DDX60L: variants seen among roughly 807,000 people sequenced by gnomAD.
DDX60L encodes probable ATP-dependent RNA helicase DDX60-like.
DDX60L carries 191 observed loss-of-function variants against 211.6 expected under a neutral mutation model. That is an observed-to-expected ratio of 0.90 (90% CI 0.80 to 1.02). The LOEUF is 1.02. Ranked by LOEUF, DDX60L falls within the 50% of genes least tolerant of loss-of-function variation. The probability of loss-of-function intolerance (pLI) is 0.00; values close to 1 mark genes in which losing one functional copy is unlikely to be tolerated. For missense variants in DDX60L, 2,007 were observed against 1,984.1 expected (o/e 1.01, Z -0.22); for synonymous variants, 706 against 694.1 (o/e 1.02, Z -0.27).
intron 36 of DDX60L, among the ~76,000 whole-genome samples, chr4:168,367,457 A>G (rs1740189987): frequency 6.6e-6 from 1 of 152,158 alleles, no homozygotes; most frequent in African/African-American, 2.4e-5. Flanking sequence ...GCCCTATGGA[A>G]CTCTAAGTCC....
At chr4:168,467,331 C>T (rs115328343) in intron 4 of DDX60L, among the ~76,000 whole-genome samples, 4,514 of 151,862 alleles carry the variant, frequency 0.03, 210 homozygotes, top group African/African-American at 0.1. Context: ...TTCACTTGAG[C>T]CCAGGACACA....
At chr4:168,448,881 G>A in intron 8 of DDX60L, 102 bp from the exon 9 acceptor site, 1 of 1,040,674 alleles carries the variant, frequency 9.6e-7, no homozygotes. Flanking sequence ...ATTTCTGGGT[G>A]GAATGATAAA....
intron 24 of DDX60L, among the ~76,000 whole-genome samples, chr4:168,405,026 TGAA>T (rs1747492321): frequency 2.0e-5 from 3 of 147,906 alleles, no homozygotes; most frequent in African/African-American, 7.5e-5. Flanking sequence ...TTTTTTTTTT[TGAA>T]GATGAGTCTC....
intron 4 of DDX60L, among the ~76,000 whole-genome samples, chr4:168,467,612 G>A (rs1406800858): frequency 1.3e-5 from 2 of 152,030 alleles, no homozygotes; most frequent in African/African-American, 2.4e-5. Flanking sequence ...TAACAAAACT[G>A]ACACAAGATA....
At chr4:168,403,630 C>T (rs1045474318) in intron 25 of DDX60L, among the ~76,000 whole-genome samples, 4 of 152,070 alleles carry the variant, frequency 2.6e-5, no homozygotes, top group African/African-American at 7.2e-5. Context: ...ATTATGAATG[C>T]TTTATGTGTT....
intron 22 of DDX60L, among the ~76,000 whole-genome samples, chr4:168,411,346 C>T (rs567232578): frequency 6.6e-6 from 1 of 152,332 alleles, no homozygotes; most frequent in East Asian, 1.9e-4. Context: ...GTCGACCTGC[C>T]AATGCCACCC....
intron 30 of DDX60L, among the ~76,000 whole-genome samples, 200 bp downstream of exon 30, chr4:168,384,412 A>C (rs1205503234): frequency 6.6e-6 from 1 of 152,176 alleles, no homozygotes; most frequent in African/African-American, 2.4e-5. Flanking sequence ...ACTTGAGCCC[A>C]GGTGATTAAG....
chr4:168,447,437 C>T (rs1302385497), intron 9 of DDX60L, among the ~76,000 whole-genome samples: 1 of 151,102 alleles, frequency 6.6e-6, no homozygotes, highest in Non-Finnish European at 1.5e-5. Context: ...GTTAGTGGGA[C>T]TGTAAACTAG....
At chr4:168,386,908 G>A (rs1487700652) in intron 29 of DDX60L, among the ~76,000 whole-genome samples, 2 of 152,156 alleles carry the variant, frequency 1.3e-5, no homozygotes, top group Non-Finnish European at 2.9e-5. Context: ...TTTAGATAGA[G>A]AGCAAAAGGA....
At chr4:168,365,630 T>G (rs1739845654) in intron 36 of DDX60L, among the ~76,000 whole-genome samples, 1 of 151,950 alleles carries the variant, frequency 6.6e-6, no homozygotes, top group Non-Finnish European at 1.5e-5. Flanking sequence ...CTTCAAGCTA[T>G]TAAGGGAATT....
intron 18 of DDX60L, among the ~76,000 whole-genome samples, chr4:168,419,997 C>T (rs1006769046): frequency 3.9e-5 from 6 of 152,302 alleles, no homozygotes; most frequent in African/African-American, 1.4e-4. Context: ...ATCTACTTGA[C>T]TCCCTCTCTA....
intron 10 of DDX60L, among the ~76,000 whole-genome samples, chr4:168,435,931 T>C (rs191505199): frequency 3.5e-4 from 53 of 152,252 alleles, no homozygotes; most frequent in Non-Finnish European, 3.2e-4. Context: ...TTGTTGATGG[T>C]GGAAAATGAA....
intron 29 of DDX60L, among the ~76,000 whole-genome samples, chr4:168,388,072 A>G (rs1744196352): frequency 6.6e-6 from 1 of 152,240 alleles, no homozygotes; most frequent in Non-Finnish European, 1.5e-5. Flanking sequence ...CAGTTCCACA[A>G]ATACCTTCAG....
intron 1 of DDX60L, among the ~76,000 whole-genome samples, chr4:168,474,465 A>T (rs907073291): frequency 1.3e-5 from 2 of 152,206 alleles, no homozygotes; most frequent in African/African-American, 4.8e-5. Flanking sequence ...AGACATACTG[A>T]GAAAAAGAGA....
intron 4 of DDX60L, 86 bp from the exon 5 acceptor site, chr4:168,462,126 T>C (rs1757397325): frequency 3.0e-6 from 3 of 1,004,816 alleles, no homozygotes; most frequent in African/African-American, 1.6e-5. Context: ...CACAAAGCTA[T>C]ACAGGACTGA....
chr4:168,459,235 C>T (rs1468506972), intron 5 of DDX60L, among the ~76,000 whole-genome samples: 2 of 152,094 alleles, frequency 1.3e-5, no homozygotes, highest in Non-Finnish European at 2.9e-5. Flanking sequence ...CCTGTAATCT[C>T]AGCACTTTGG....
intron 26 of DDX60L, among the ~76,000 whole-genome samples, chr4:168,398,212 C>T (rs972104615): frequency 3.3e-5 from 5 of 152,202 alleles, no homozygotes; most frequent in African/African-American, 1.2e-4. Flanking sequence ...ACTCCACAGG[C>T]TCAGAAGTGT....
chr4:168,412,353 G>T (rs1178719616), intron 22 of DDX60L, among the ~76,000 whole-genome samples: 2 of 152,078 alleles, frequency 1.3e-5, no homozygotes, highest in Non-Finnish European at 2.9e-5. Context: ...CCAGAGAAAA[G>T]CCTGTTGGCC....
At position 168,427,149 on chromosome 4, in the gene DDX60L, AC is replaced by A. The variant is rs1467261991; in HGVS notation, c.1850del (p.Ser617IlefsTer4). Reference protein sequence around the residue: ...KLEDYLTSCASNSVKFGVEML... With the variant: ...KLEDYLTSCAXNSVKFGVEML... ...TTTCAACTCCAAATTTCACTGAATT[AC>A]TTGCACATGATGTCAAATAATCTTC... On this transcript the variant is annotated frameshift_variant, in exon 14 of 38. Transcript: ENST00000682922. LOFTEE classifies it high-confidence loss of function. 2.5e-6 allele frequency: 4 copies of A among 1,610,454 alleles called. No individual in the cohort carries two copies. The Admixed American group carries it at 6.7e-5, about 27-fold the overall frequency.
Sources: allele counts gnomAD v4.1 joint callset (sites outside exome capture counted in the v4.1 genomes callset), GRCh38; gene constraint gnomAD v4.1.1; transcripts MANE v1.5; gene names NCBI Gene and HGNC (gene_info 2026-07-23, HGNC 2026-07-21).